The following NTNG1 variants were observed in gnomAD, a reference collection of about 807,000 sequenced individuals.
NTNG1 encodes the protein netrin G1.
Under a neutral mutation model 54.0 loss-of-function variants are expected in NTNG1, and 16 were observed. That is an observed-to-expected ratio of 0.30 (90% CI 0.20 to 0.45). NTNG1 has a LOEUF of 0.45. Among genes scored for constraint, NTNG1 ranks in the 20% least tolerant of loss-of-function variants. The pLI is 1.00. For missense variants in NTNG1, 530 were observed against 678.7 expected, an observed-to-expected ratio of 0.78 and a Z score of 2.43; for synonymous variants, 255 against 263.1, an observed-to-expected ratio of 0.97 and a Z score of 0.30.
At chr1:107,426,317 GT>G (rs578252482) in intron 5 of NTNG1, among the ~76,000 whole-genome samples, 157 of 152,050 alleles carry the variant, frequency 1.0e-3, no homozygotes, top group African/African-American at 3.7e-3. Context: ...TTATATGTAG[GT>G]CCTTAATCCA....
At chr1:107,269,341 C>A (rs1663972162) in intron 2 of NTNG1, among the ~76,000 whole-genome samples, 1 of 152,166 alleles carries the variant, frequency 6.6e-6, no homozygotes, top group South Asian at 2.1e-4. Context: ...TCATTTGGCA[C>A]CTTTTCAGTG....
chr1:107,354,735 G>A (rs1445379764), intron 3 of NTNG1, among the ~76,000 whole-genome samples: 1 of 152,060 alleles, frequency 6.6e-6, no homozygotes, highest in African/African-American at 2.4e-5. Flanking sequence ...TCTACCCCTA[G>A]CATCACTGAA....
At chr1:107,332,084 G>A (rs772352748) in intron 3 of NTNG1, among the ~76,000 whole-genome samples, 15 of 152,030 alleles carry the variant, frequency 9.9e-5, no homozygotes, top group Non-Finnish European at 1.5e-4. Context: ...GTGGACAACT[G>A]AGGGACATTC....
chr1:107,373,348 A>C (rs1300820770), intron 3 of NTNG1, among the ~76,000 whole-genome samples: 1 of 152,092 alleles, frequency 6.6e-6, no homozygotes, highest in Non-Finnish European at 1.5e-5. Flanking sequence ...AAATATAACA[A>C]CCTTACAATA....
chr1:107,223,099 C>G (rs1180578341), intron 2 of NTNG1, among the ~76,000 whole-genome samples: 1 of 152,034 alleles, frequency 6.6e-6, no homozygotes, highest in Non-Finnish European at 1.5e-5. Flanking sequence ...TAAGGTAGGT[C>G]TGTGGTGGAA....
intron 2 of NTNG1, among the ~76,000 whole-genome samples, chr1:107,188,387 A>G (rs1346654624): frequency 6.6e-6 from 1 of 152,102 alleles, no homozygotes. Context: ...TTGGCCCCAG[A>G]TGCTACAGCT....
At chr1:107,190,363 G>A (rs56292273) in intron 2 of NTNG1, among the ~76,000 whole-genome samples, 9,754 of 152,216 alleles carry the variant, frequency 0.064, 416 homozygotes, top group African/African-American at 0.12. Flanking sequence ...CAACAACAAA[G>A]AGCAAGATGT....
chr1:107,463,618 AT>A (rs550828295), intron 7 of NTNG1, among the ~76,000 whole-genome samples: 2 of 152,236 alleles, frequency 1.3e-5, no homozygotes, highest in South Asian at 4.2e-4. Flanking sequence ...TAACTAAAGC[AT>A]TTTTAGCTAT....
At chr1:107,261,640 G>C (rs1359849664) in intron 2 of NTNG1, among the ~76,000 whole-genome samples, 1 of 152,130 alleles carries the variant, frequency 6.6e-6, no homozygotes, top group African/African-American at 2.4e-5. Flanking sequence ...CCAGGAGATC[G>C]AGACCATCCT....
chr1:107,237,205 A>G (rs1661471895), intron 2 of NTNG1, among the ~76,000 whole-genome samples: 2 of 152,180 alleles, frequency 1.3e-5, no homozygotes, highest in South Asian at 4.1e-4. Flanking sequence ...GACTCTTGTT[A>G]TGTTTTAGCA....
chr1:107,317,413 A>G (rs1028156321), intron 2 of NTNG1, among the ~76,000 whole-genome samples: 11 of 152,178 alleles, frequency 7.2e-5, no homozygotes, highest in Non-Finnish European at 1.5e-4. Flanking sequence ...TACCACTTAC[A>G]ATAATGTTAC....
rs539214991 is a variant in NTNG1, at chr1:107,427,083, G to A, written c.1088-3667G>A. ...CAATCAGTCTAGGATTCTCCTACAG[G>A]ATCTTTTGGCTTTTCTAGGTATATG... On this transcript the variant is annotated intron_variant, in intron 5 of 7. Coordinates refer to ENST00000370068, the MANE Select transcript of NTNG1 (RefSeq NM_001113226.3). 7.9e-5 allele frequency among the ~76,000 whole-genome samples: 12 copies of A among 152,134 alleles called. No homozygotes were observed. The South Asian group carries it at 2.5e-3, about 32-fold the overall frequency.
intron 2 of NTNG1, among the ~76,000 whole-genome samples, chr1:107,282,628 C>A (rs888087486): frequency 1.3e-5 from 2 of 152,188 alleles, no homozygotes; most frequent in Non-Finnish European, 2.9e-5. Flanking sequence ...GAAGAGAAGG[C>A]CTGCCCACAT....
Position 107,188,441 on chromosome 1 carries a change from C to A in NTNG1, c.246+39602C>A, listed in dbSNP as rs188450115. On this transcript the variant is annotated intron_variant, in intron 2 of 7. Coordinates refer to ENST00000370068, the MANE Select transcript of NTNG1 (RefSeq NM_001113226.3). ...TAATATACCCCCTATTATGCACATT[C>A]GCTCTGGGATTTTGAATGAATAAAT... Among the ~76,000 whole-genome samples, 4 of 152,258 alleles carry A rather than the reference C, an allele frequency of 2.6e-5. No homozygotes were observed. In the East Asian group the frequency reaches 5.8e-4, roughly 22 times the overall value.
intron 3 of NTNG1, among the ~76,000 whole-genome samples, chr1:107,355,987 G>A (rs918878510): frequency 1.1e-4 from 17 of 152,100 alleles, no homozygotes; most frequent in Non-Finnish European, 1.6e-4. Context: ...GACCACCGTC[G>A]TGGCAGAAAC....
At chr1:107,465,240 A>G (rs528983820) in intron 7 of NTNG1, among the ~76,000 whole-genome samples, 19 of 152,170 alleles carry the variant, frequency 1.2e-4, no homozygotes, top group African/African-American at 4.6e-4. Flanking sequence ...TAGGTGCCAG[A>G]AAAAAAATGG....
chr1:107,424,273 A>C (rs942379543), intron 5 of NTNG1, among the ~76,000 whole-genome samples: 8 of 152,074 alleles, frequency 5.3e-5, no homozygotes, highest in African/African-American at 1.9e-4. Flanking sequence ...AGCAAGTGCA[A>C]AGGCCCTGGG....
rs939243179 is a variant in NTNG1, at chr1:107,190,583, C to A, written c.246+41744C>A. ...TAATGCTATCCCTCTCCACTCCCCC[C>A]ACCCCATAACAGGCCCCGGTGTGTG... On this transcript the variant is annotated intron_variant, in intron 2 of 7. Coordinates refer to ENST00000370068, the MANE Select transcript of NTNG1 (RefSeq NM_001113226.3). 3.9e-4 allele frequency among the ~76,000 whole-genome samples: 60 copies of A among 152,204 alleles called. No individual in the cohort carries two copies. In the East Asian group the frequency reaches 0.011, roughly 28 times the overall value.
chr1:107,418,693 G>C, intron 5 of NTNG1: 1 of 1,280,362 alleles, frequency 7.8e-7, no homozygotes, highest in Non-Finnish European at 1.1e-6. Context: ...ACATGTTTGG[G>C]GGAAAATCCT....
Sources: gnomAD v4.1 joint callset for allele counts (sites outside exome capture counted in the v4.1 genomes callset) on GRCh38, gnomAD v4.1.1 for gene constraint, MANE v1.5 for transcripts, NCBI Gene and HGNC (gene_info 2026-07-23, HGNC 2026-07-21) for gene names.